The following WDR27 variants were observed in gnomAD, a reference collection of about 807,000 sequenced individuals.
WDR27 encodes WD repeat-containing protein 27.
A neutral mutation model predicts 114.4 loss-of-function variants in WDR27; 100 were observed. That is an observed-to-expected ratio of 0.87 (90% confidence interval 0.74 to 1.03). WDR27 has a LOEUF of 1.03. Ranked by LOEUF, WDR27 falls within the 50% of genes least tolerant of loss-of-function variation. The probability of loss-of-function intolerance (pLI) is 0.00; values close to 1 mark genes in which losing one functional copy is unlikely to be tolerated. For missense variants in WDR27, 1,129 were observed against 1,092.9 expected (o/e 1.03, Z -0.47); for synonymous variants, 449 against 423.1 (o/e 1.06, Z -0.75).
chr6:169,532,221 T>C (rs1562541850), intron 25 of WDR27, among the ~76,000 whole-genome samples: 2 of 152,154 alleles, frequency 1.3e-5, no homozygotes, highest in Non-Finnish European at 2.9e-5. Flanking sequence ...GGGAAAAACA[T>C]TTAACATTTT....
chr6:169,617,216 AAGAG>A, intron 21 of WDR27, among the ~76,000 whole-genome samples: 1 of 152,284 alleles, frequency 6.6e-6, no homozygotes, highest in East Asian at 1.9e-4. Flanking sequence ...TCTCTCTTTC[AAGAG>A]AGAGGGGTGT....
chr6:169,497,635 A>G (rs1790579595), intron 25 of WDR27, among the ~76,000 whole-genome samples: 1 of 152,182 alleles, frequency 6.6e-6, no homozygotes, highest in Non-Finnish European at 1.5e-5. Flanking sequence ...CAAATGTCCA[A>G]GAAGTGCATG....
At chr6:169,552,310 C>T (rs1240070764) in intron 25 of WDR27, among the ~76,000 whole-genome samples, 3 of 152,130 alleles carry the variant, frequency 2.0e-5, no homozygotes, top group Admixed American at 1.3e-4. Context: ...GATGACCACT[C>T]ATGTTATTAT....
chr6:169,559,786 C>T (rs1799432007), intron 25 of WDR27: 1 of 152,198 alleles, frequency 6.6e-6, no homozygotes, highest in South Asian at 2.1e-4. Context: ...CCTTATACAG[C>T]TCTGTGGTGC....
intron 8 of WDR27, 86 bp downstream of exon 8, chr6:169,664,080 C>T: frequency 8.0e-7 from 1 of 1,255,834 alleles, no homozygotes. Context: ...CTCTCTCTCC[C>T]CTGTGTGACC....
Position 169,672,344 on chromosome 6 carries a change from T to C in WDR27, c.242A>G (p.Asn81Ser), listed in dbSNP as rs143165371. The change falls in exon 3 of 26, where the codon AAT becomes AGT. Residue 81 changes from asparagine to serine, a missense_variant. Transcript: ENST00000448612. ...GCAGATTAGAAGTGGGTTCACTTTA[T>C]TTCCAAAAGCCATAGCAGTAATTGG... ...HQPITAMAFG[N>S]KVNPLLICSA... 1.1e-5 allele frequency: 17 copies of C among 1,612,616 alleles called. No homozygotes were observed. The South Asian group carries it at 1.5e-4, about 15-fold the overall frequency.
At chr6:169,591,395 A>C (rs1335594416) in intron 23 of WDR27, among the ~76,000 whole-genome samples, 2 of 152,208 alleles carry the variant, frequency 1.3e-5, no homozygotes, top group African/African-American at 2.4e-5. Flanking sequence ...TAATTCTGCC[A>C]TTCATCCATT....
rs1187142242 is a variant in WDR27, at chr6:169,604,644, A to G, written c.2322-2323T>C. Reference sequence around the variant, plus strand: ...TACCAAAACCAGACAAGGACAAAACAAAGAAAGAAAACTGCAGTCCAAGAT... The same window carrying G: ...TACCAAAACCAGACAAGGACAAAACGAAGAAAGAAAACTGCAGTCCAAGAT... On this transcript the variant is annotated intron_variant, in intron 22 of 25. Coordinates refer to ENST00000448612, the MANE Select transcript of WDR27 (RefSeq NM_182552.5). 2.0e-5 allele frequency among the ~76,000 whole-genome samples: 3 copies of G among 152,124 alleles called. No individual in the cohort carries two copies. The East Asian group carries it at 5.8e-4, about 29-fold the overall frequency.
At chr6:169,676,175 G>A (rs192360716) in intron 2 of WDR27, among the ~76,000 whole-genome samples, 1 of 152,152 alleles carries the variant, frequency 6.6e-6, no homozygotes, top group East Asian at 1.9e-4. Flanking sequence ...GCAGCCTGCA[G>A]AACCATGAGC....
chr6:169,540,097 A>T (rs562477725), intron 25 of WDR27, among the ~76,000 whole-genome samples: 17 of 152,350 alleles, frequency 1.1e-4, no homozygotes, highest in African/African-American at 4.1e-4. Context: ...CAAAATCATT[A>T]ATCATAATTT....
chr6:169,479,807 A>G (rs1412983798), intron 25 of WDR27, among the ~76,000 whole-genome samples: 1 of 152,202 alleles, frequency 6.6e-6, no homozygotes, highest in Non-Finnish European at 1.5e-5. Flanking sequence ...TTATTTCATC[A>G]CCCAGGTATT....
intron 5 of WDR27, chr6:169,667,492 G>A: frequency 4.9e-6 from 3 of 609,494 alleles, no homozygotes; most frequent in Non-Finnish European, 6.2e-6. Context: ...CAAGATAGAG[G>A]CACCAAGCGG....
chr6:169,654,499 C>T lies in WDR27; in HGVS notation c.1403-2491G>A, dbSNP rs1274011008. On this transcript the variant is annotated intron_variant, in intron 13 of 25. Coordinates refer to ENST00000448612, the MANE Select transcript of WDR27 (RefSeq NM_182552.5). ...ACCACCTCATGTTTAACCAGGAAAACGCAAACGAAATCATAAGACACCTCT... is the reference window on the plus strand; with the variant it reads ...ACCACCTCATGTTTAACCAGGAAAATGCAAACGAAATCATAAGACACCTCT... Among the ~76,000 whole-genome samples the T allele has an allele frequency of 2.6e-5, 4 of 152,322 alleles. No individual in the cohort carries two copies. In the South Asian group the frequency reaches 6.2e-4, roughly 24 times the overall value.
intron 25 of WDR27, among the ~76,000 whole-genome samples, chr6:169,513,164 C>G (rs1462420028): frequency 6.6e-6 from 1 of 152,040 alleles, no homozygotes; most frequent in Non-Finnish European, 1.5e-5. Context: ...TGGTTGGGGG[C>G]GGGCTCAGCA....
At chr6:169,518,200 G>A (rs1276803384) in intron 25 of WDR27, among the ~76,000 whole-genome samples, 1 of 152,172 alleles carries the variant, frequency 6.6e-6, no homozygotes, top group Non-Finnish European at 1.5e-5. Context: ...CTACCATTCT[G>A]GGGTCTAGAG....
At chr6:169,645,220 C>T (rs1820357035) in intron 16 of WDR27, among the ~76,000 whole-genome samples, 1 of 151,904 alleles carries the variant, frequency 6.6e-6, no homozygotes, top group Admixed American at 6.5e-5. Flanking sequence ...TATAGAAAAG[C>T]CTAGTTCACA....
chr6:169,690,729 G>A (rs1784276902), intron 1 of WDR27, among the ~76,000 whole-genome samples: 1 of 152,200 alleles, frequency 6.6e-6, no homozygotes, highest in African/African-American at 2.4e-5. Context: ...TCATCAGCAG[G>A]ACCTTCCGCT....
chr6:169,662,189 G>C, intron 9 of WDR27, 115 bp downstream of exon 9: 1 of 1,190,998 alleles, frequency 8.4e-7, no homozygotes, highest in South Asian at 1.5e-5. Flanking sequence ...CTAATAATCA[G>C]AGACCAAAAT....
intron 21 of WDR27, among the ~76,000 whole-genome samples, chr6:169,615,726 G>T (rs933161073): frequency 2.6e-5 from 4 of 152,144 alleles, no homozygotes; most frequent in Non-Finnish European, 5.9e-5. Context: ...AACTGGCAAA[G>T]ATTTCATGAC....
Sources: allele counts gnomAD v4.1 joint callset (sites outside exome capture counted in the v4.1 genomes callset), GRCh38; gene constraint gnomAD v4.1.1; transcripts MANE v1.5; gene names NCBI Gene and HGNC (gene_info 2026-07-23, HGNC 2026-07-21).